VILL: variants seen among roughly 807,000 people sequenced by gnomAD.
The protein encoded by VILL is villin-like protein.
VILL carries 102 observed loss-of-function variants against 106.3 expected under a neutral mutation model. The observed-to-expected ratio is 0.96, with a 90% CI of 0.82 to 1.13. The LOEUF is 1.13. Ranked by LOEUF, VILL falls within the 50% of genes most tolerant of loss-of-function variation. The pLI is 0.00. For synonymous variants in VILL, 431 were observed against 440.3 expected (o/e 0.98, Z 0.27); for missense variants, 1,076 against 1,116.6 (o/e 0.96, Z 0.52).
In VILL at chr3:38,007,104, C is replaced by A; in HGVS notation, c.*49C>A. Reference sequence around the variant, plus strand: ...TATCCCCTGGACCCCAACATACCTACAATGCTGGGGAGGCCCTGCTTCCAC... The same window carrying A: ...TATCCCCTGGACCCCAACATACCTAAAATGCTGGGGAGGCCCTGCTTCCAC... On this transcript the variant is annotated 3_prime_UTR_variant, in exon 20 of 20. Coordinates refer to ENST00000383759, the MANE Select transcript of VILL (RefSeq NM_015873.4). The A allele has an allele frequency of 6.8e-7, 1 of 1,469,500 alleles. No homozygotes were observed. The highest frequency in any genetic ancestry group is 1.9e-4 in the Middle Eastern group (1 of 5,246). The allele number at this position is 1,469,500 out of a possible 1,614,324, so 91.0% of individuals were successfully genotyped here. A position where few individuals can be genotyped will look rare whatever the true frequency, so the allele number is the denominator to read the frequency against.
intron 11 of VILL, 74 bp downstream of exon 11, chr3:37,999,513 C>A: frequency 8.2e-7 from 1 of 1,214,010 alleles, no homozygotes; most frequent in Middle Eastern, 2.0e-4. Flanking sequence ...AACGGTATGA[C>A]TGCTATCTAA....
chr3:38,005,561 GA>G (rs59354509), intron 16 of VILL, among the ~76,000 whole-genome samples: 13 of 150,298 alleles, frequency 8.6e-5, no homozygotes, highest in African/African-American at 2.9e-4. Flanking sequence ...AATCATGCAA[GA>G]AAAAAAAAAT....
intron 4 of VILL, among the ~76,000 whole-genome samples, chr3:37,994,733 GC>G (rs1459199720): frequency 1.3e-5 from 2 of 152,070 alleles, no homozygotes; most frequent in African/African-American, 4.8e-5. Flanking sequence ...ATACCCCTTT[GC>G]CACCACTCCC....
At position 38,001,488 on chromosome 3, in the gene VILL, CG is replaced by C; in HGVS notation, c.1216del (p.Val406TrpfsTer47). ...GCATCCAGGACTTACACAGGCAGCC[CG>C]TGGACCCCAAGCGTCATGGACAGCT... ...WCIQDLHRQP[V>X]DPKRHGQLCA... On this transcript the variant is annotated frameshift_variant, in exon 12 of 20. Transcript: ENST00000383759. LOFTEE classifies it high-confidence loss of function. 5 of 1,614,206 alleles carry C rather than the reference CG, an allele frequency of 3.1e-6. No individual in the cohort carries two copies. Among genetic ancestry groups the C allele is most frequent in the Non-Finnish European group, 4.2e-6 (5 of 1,180,020 alleles).
At chr3:37,992,063 CT>C (rs1699618589) in intron 1 of VILL, among the ~76,000 whole-genome samples, 1 of 152,152 alleles carries the variant, frequency 6.6e-6, no homozygotes, top group Admixed American at 6.5e-5. Context: ...CGAGTCCCAA[CT>C]TTTTGGCTGC....
chr3:37,999,991 G>A (rs1388991351), intron 11 of VILL, among the ~76,000 whole-genome samples: 16 of 152,274 alleles, frequency 1.1e-4, no homozygotes, highest in Non-Finnish European at 1.5e-5. Context: ...CAGGGGTTGA[G>A]GGCTACTTCC....
intron 15 of VILL, 119 bp from the exon 16 acceptor site, chr3:38,004,136 G>T (rs1699870244): frequency 7.2e-7 from 1 of 1,386,574 alleles, no homozygotes; most frequent in South Asian, 1.4e-5. Flanking sequence ...GGGCTCAGAG[G>T]AGGGCCCAGG....
chr3:37,989,614 A>T (rs1314697716), upstream of VILL, among the ~76,000 whole-genome samples: 1 of 152,174 alleles, frequency 6.6e-6, no homozygotes, highest in Admixed American at 6.5e-5. Context: ...AGATGGGGGA[A>T]GAGTCGGTGG....
intron 19 of VILL, 68 bp downstream of exon 19, chr3:38,006,768 T>G: frequency 6.5e-7 from 1 of 1,548,174 alleles, no homozygotes; most frequent in East Asian, 2.3e-5. Flanking sequence ...CAAGGCAGGA[T>G]CCACTGGTGG....
Position 38,006,269 on chromosome 3 carries a change from CT to C in VILL, c.2205+18del. 1 of 1,614,074 alleles carries C rather than the reference CT, an allele frequency of 6.2e-7. No individual in the cohort carries two copies. Among genetic ancestry groups the C allele is most frequent in the Middle Eastern group, 1.6e-4 (1 of 6,062 alleles). ...ATAACAGCAGTGAGTCCTGGGGCCC[CT>C]AGCCTTCCCCACAGTGGCCTGGGCT... On this transcript the variant is annotated intron_variant, in intron 18 of 19. Coordinates refer to ENST00000383759, the MANE Select transcript of VILL (RefSeq NM_015873.4).
At chr3:37,989,061 C>A (rs1300374309), upstream of VILL, among the ~76,000 whole-genome samples, 1 of 152,160 alleles carries the variant, frequency 6.6e-6, no homozygotes, top group African/African-American at 2.4e-5. Context: ...GGGAGGCTGG[C>A]TCCGGAGCAG....
At chr3:37,996,342 G>A (rs1699700938) in intron 5 of VILL, among the ~76,000 whole-genome samples, 2 of 152,128 alleles carry the variant, frequency 1.3e-5, no homozygotes, top group South Asian at 2.1e-4. Context: ...GTCTCCCACT[G>A]TTATCCCCGG....
At chr3:38,006,092 C>T (rs1319763850) in intron 17 of VILL, 89 bp from the exon 18 acceptor site, 3 of 1,604,000 alleles carry the variant, frequency 1.9e-6, no homozygotes, top group Non-Finnish European at 2.6e-6. Context: ...GTGCGAGAGA[C>T]CTGGTCTTGT....
intron 18 of VILL, 61 bp from the exon 19 acceptor site, chr3:38,006,388 C>T (rs1381940834): frequency 1.3e-6 from 2 of 1,585,678 alleles, no homozygotes; most frequent in African/African-American, 2.7e-5. Flanking sequence ...GGGTTCAGTG[C>T]AGCCTCCCTG....
Position 37,999,009 on chromosome 3 carries a change from G to C in VILL, c.1040G>C (p.Trp347Ser). The C allele has an allele frequency of 1.9e-6, 3 of 1,606,122 alleles. No individual in the cohort carries two copies. Among genetic ancestry groups the C allele is most frequent in the Non-Finnish European group, 2.6e-6 (3 of 1,176,210 alleles). ...SAAFKQLFRT[W>S]SEKRRRNQKL... is the part of the protein sequence containing the mutation. ...GCGTTCAAGCAGCTCTTCCGGACTT[G>C]GTCTGAGAAGCGGCGCAGGAACCAG... The change falls in exon 10 of 20, where the codon TGG becomes TCG. Residue 347 changes from tryptophan to serine, a missense_variant. Trp to Ser is a radical substitution (Grantham distance 177). Coordinates refer to ENST00000383759, the MANE Select transcript of VILL (RefSeq NM_015873.4).
chr3:37,995,432 C>T (rs1265098913), intron 4 of VILL, among the ~76,000 whole-genome samples: 2 of 152,244 alleles, frequency 1.3e-5, no homozygotes. Context: ...CCTTCATGCA[C>T]TCACCATCTA....
At chr3:37,996,053 C>T (rs1390790718) in intron 5 of VILL, among the ~76,000 whole-genome samples, 1 of 152,172 alleles carries the variant, frequency 6.6e-6, no homozygotes, top group African/African-American at 2.4e-5. Flanking sequence ...GTTTATGCGT[C>T]TATCTCAGGG....
rs932840147 is a variant in VILL at position 37,994,312 on chromosome 3, T to C, written c.187T>C (p.Trp63Arg). ...TQGASSDLHY[W>R]VGKQAGAEAQ... is the part of the protein sequence containing the mutation. ...GGGGGCGTCCAGCGACCTGCACTAC[T>C]GGGTCGGGAAGCAGGCGGGTGCGGA... Residue 63 changes from tryptophan (W) to arginine (R), a missense_variant, in exon 4 of 20, where the codon TGG becomes CGG. By Grantham distance (101) the Trp-to-Arg change is moderately radical (BLOSUM62 -3). Coordinates refer to ENST00000383759, the MANE Select transcript of VILL (RefSeq NM_015873.4). 5 of 1,612,012 alleles carry C rather than the reference T, an allele frequency of 3.1e-6. No individual in the cohort carries two copies. The highest frequency in any genetic ancestry group is 1.7e-5 in the Admixed American group (1 of 59,954).
intron 11 of VILL, chr3:38,000,783 C>CA (rs997054516): frequency 3.7e-5 from 16 of 428,086 alleles, no homozygotes; most frequent in Non-Finnish European, 7.6e-5. Context: ...TCCCCAGGGA[C>CA]AACTGTCAGG....
Sources: gnomAD v4.1 joint callset for allele counts (sites outside exome capture counted in the v4.1 genomes callset) on GRCh38, gnomAD v4.1.1 for gene constraint, MANE v1.5 for transcripts, NCBI Gene and HGNC (gene_info 2026-07-23, HGNC 2026-07-21) for gene names.